The following SMARCC1 variants were observed in gnomAD, a reference collection of about 807,000 sequenced individuals.
The protein encoded by SMARCC1 is SWI/SNF related BAF chromatin remodeling complex subunit C1.
Under a neutral mutation model 147.4 loss-of-function variants are expected in SMARCC1, and 43 were observed. The ratio of observed to expected loss-of-function variants is 0.29; its 90% CI spans 0.23 to 0.38. SMARCC1 has a LOEUF of 0.38. Ranked by LOEUF, SMARCC1 falls within the 10% of genes least tolerant of loss-of-function variation. The probability of loss-of-function intolerance (pLI) is 1.00; values close to 1 mark genes in which losing one functional copy is unlikely to be tolerated. For missense variants in SMARCC1, 1,119 were observed against 1,381.1 expected, an observed-to-expected ratio of 0.81 and a Z score of 3.01; for synonymous variants, 495 against 484.4, an observed-to-expected ratio of 1.02 and a Z score of -0.29.
At chr3:47,721,182 T>C (rs2034228838) in intron 6 of SMARCC1, among the ~76,000 whole-genome samples, 1 of 152,208 alleles carries the variant, frequency 6.6e-6, no homozygotes, top group South Asian at 2.1e-4. Flanking sequence ...AAAGTTTTAC[T>C]AACTACTCTG....
At chr3:47,763,400 C>T in intron 2 of SMARCC1, among the ~76,000 whole-genome samples, 1 of 114,990 alleles carries the variant, frequency 8.7e-6, no homozygotes, top group Non-Finnish European at 1.9e-5. Flanking sequence ...TAGCGAGACT[C>T]CAGCTCTAAA....
At chr3:47,712,717 C>T (rs2034103275) in intron 8 of SMARCC1, among the ~76,000 whole-genome samples, 1 of 152,106 alleles carries the variant, frequency 6.6e-6, no homozygotes, top group Non-Finnish European at 1.5e-5. Context: ...CTAAGTTCTC[C>T]CTGAGCTCTC....
chr3:47,678,948 A>C (rs1424852007), intron 15 of SMARCC1, among the ~76,000 whole-genome samples: 1 of 152,228 alleles, frequency 6.6e-6, no homozygotes, highest in East Asian at 1.9e-4. Flanking sequence ...TTCTCACAGC[A>C]GTTCTTTAAG....
intron 4 of SMARCC1, among the ~76,000 whole-genome samples, chr3:47,737,773 A>G (rs2034461439): frequency 6.6e-6 from 1 of 151,472 alleles, no homozygotes; most frequent in African/African-American, 2.4e-5. Context: ...CTCTTGCCTC[A>G]GCCACCAGAG....
rs1419878595 is a variant in SMARCC1 at position 47,743,557 on chromosome 3, T to TA, written c.401+2350dup. On this transcript the variant is annotated intron_variant, in intron 3 of 27. Coordinates refer to ENST00000254480, the MANE Select transcript of SMARCC1 (RefSeq NM_003074.4). The stretch of plus-strand genomic sequence containing the variant: ...GGCCGGGCATGGTGACTCATGCCTG[T>TA]AATCCCAGCATTTTGGGAGGCCGAG... Among the ~76,000 whole-genome samples the TA allele has an allele frequency of 2.6e-5, 4 of 152,184 alleles. No individual in the cohort carries two copies. The East Asian group carries it at 7.7e-4, about 29-fold the overall frequency.
chr3:47,691,289 T>C (rs2033785994), intron 12 of SMARCC1, among the ~76,000 whole-genome samples: 1 of 152,066 alleles, frequency 6.6e-6, no homozygotes, highest in Non-Finnish European at 1.5e-5. Context: ...TTTGATGAGG[T>C]AGCATATAAG....
chr3:47,594,805 A>C (rs968778279), intron 26 of SMARCC1, among the ~76,000 whole-genome samples: 4 of 152,200 alleles, frequency 2.6e-5, no homozygotes, highest in Non-Finnish European at 5.9e-5. Context: ...GTGAGGCCAC[A>C]TGCTTGTAGA....
rs542664222 is a variant in SMARCC1, at chr3:47,644,007, C to A, written c.2321-5227G>T. ...TTCAAGACCAGCCTGAGCAACAAAG[C>A]GAGATTCCATATCTATAAAAAAATT... On this transcript the variant is annotated intron_variant, in intron 21 of 27. Transcript: ENST00000254480. Among the ~76,000 whole-genome samples the A allele has an allele frequency of 8.5e-5, 13 of 152,150 alleles. No homozygotes were observed. The South Asian group carries it at 2.1e-3, about 24-fold the overall frequency.
chr3:47,642,195 T>C (rs1271466605), intron 21 of SMARCC1, among the ~76,000 whole-genome samples: 1 of 152,176 alleles, frequency 6.6e-6, no homozygotes, highest in Non-Finnish European at 1.5e-5. Context: ...AAAAGATTAG[T>C]ACATAAGATC....
intron 6 of SMARCC1, among the ~76,000 whole-genome samples, chr3:47,725,206 G>C (rs988194899): frequency 5.9e-5 from 9 of 151,868 alleles, no homozygotes; most frequent in Non-Finnish European, 1.2e-4. Flanking sequence ...TAAATGAAAA[G>C]AGTGAGACAT....
intron 11 of SMARCC1, among the ~76,000 whole-genome samples, chr3:47,697,782 C>T (rs190143085): frequency 2.2e-3 from 335 of 151,362 alleles, no homozygotes; most frequent in African/African-American, 7.8e-3. Context: ...CCAAGGCGGG[C>T]GGATCATGAG....
intron 21 of SMARCC1, among the ~76,000 whole-genome samples, chr3:47,639,017 A>C (rs73831521): frequency 6.5e-4 from 99 of 152,232 alleles, no homozygotes; most frequent in African/African-American, 2.3e-3. Context: ...TAACAGGGGG[A>C]AGGGGTGAAT....
chr3:47,762,081 T>C (rs1412417227), intron 2 of SMARCC1, among the ~76,000 whole-genome samples: 1 of 152,162 alleles, frequency 6.6e-6, no homozygotes, highest in Non-Finnish European at 1.5e-5. Flanking sequence ...CATGCCCAGC[T>C]TGCTTTCTCC....
Position 47,587,987 on chromosome 3 carries a change from C to G in SMARCC1, c.*222G>C. The G allele has an allele frequency of 1.8e-6, 1 of 540,696 alleles. No homozygotes were observed. The highest frequency in any genetic ancestry group is 1.9e-5 in the African/African-American group (1 of 51,334). 33.5% of individuals were successfully genotyped at this position (540,696 alleles called of 1,614,324 possible). A position where few individuals can be genotyped will look rare whatever the true frequency, so the allele number is the denominator to read the frequency against. ...CAGGTTATTTTAAGGATGACCAGGG[C>G]ACACTGTCACTACAGGTTTCCCCTT... On this transcript the variant is annotated 3_prime_UTR_variant, in exon 28 of 28. Coordinates refer to ENST00000254480, the MANE Select transcript of SMARCC1 (RefSeq NM_003074.4).
chr3:47,642,986 C>T (rs1346413339), intron 21 of SMARCC1, among the ~76,000 whole-genome samples: 1 of 152,182 alleles, frequency 6.6e-6, no homozygotes, highest in African/African-American at 2.4e-5. Flanking sequence ...GTTGAGGCTG[C>T]AGAGAGCTTT....
intron 9 of SMARCC1, among the ~76,000 whole-genome samples, chr3:47,709,198 T>C (rs932309823): frequency 1.3e-5 from 2 of 151,512 alleles, no homozygotes; most frequent in East Asian, 1.9e-4. Context: ...GAGGCAGACA[T>C]TGCATTCAGC....
intron 26 of SMARCC1, among the ~76,000 whole-genome samples, chr3:47,601,470 G>A (rs2032385094): frequency 1.3e-5 from 2 of 151,988 alleles, no homozygotes; most frequent in South Asian, 4.1e-4. Context: ...GCCAAGTGAG[G>A]GGAAGCCCAG....
In SMARCC1 at chr3:47,681,177, C is replaced by T. The variant is rs939780948; in HGVS notation, c.1386-669G>A. ...GGTGACAAAAACAAAGGAGCTGGCA[C>T]GGCATGGCAACAAACTGATGAAACA... On this transcript the variant is annotated intron_variant, in intron 14 of 27. Coordinates refer to ENST00000254480, the MANE Select transcript of SMARCC1 (RefSeq NM_003074.4). 2.6e-5 allele frequency among the ~76,000 whole-genome samples: 4 copies of T among 152,056 alleles called. No individual in the cohort carries two copies. The East Asian group carries it at 5.8e-4, about 22-fold the overall frequency.
At chr3:47,764,607 T>TC (rs990390844) in intron 2 of SMARCC1, among the ~76,000 whole-genome samples, 1 of 152,088 alleles carries the variant, frequency 6.6e-6, no homozygotes, top group African/African-American at 2.4e-5. Context: ...GGAATACTAG[T>TC]CCATGTCTCC....
Sources: allele counts gnomAD v4.1 joint callset (sites outside exome capture counted in the v4.1 genomes callset), GRCh38; gene constraint gnomAD v4.1.1; transcripts MANE v1.5; gene names NCBI Gene and HGNC (gene_info 2026-07-23, HGNC 2026-07-21).